Variants in PLGRKT observed in about 807,000 individuals in gnomAD.
PLGRKT encodes plasminogen receptor (KT).
Under a neutral mutation model 18.5 loss-of-function variants are expected in PLGRKT, and 22 were observed. The observed-to-expected ratio is 1.19, with a 90% CI of 0.85 to 1.70. The LOEUF is 1.70. Ranked by LOEUF, PLGRKT falls within the 40% of genes most tolerant of loss-of-function variation. The pLI, the probability that PLGRKT is intolerant of heterozygous loss-of-function variation, is 0.00. For missense variants in PLGRKT, 235 were observed against 174.4 expected (o/e 1.35, Z -1.96); for synonymous variants, 72 against 52.8 (o/e 1.36, Z -1.58).
chr9:5,368,981 T>C (rs1163925137), intron 3 of PLGRKT, among the ~76,000 whole-genome samples: 2 of 152,188 alleles, frequency 1.3e-5, no homozygotes, highest in African/African-American at 4.8e-5. Flanking sequence ...GAGTTATACG[T>C]AAGACCTAAA....
intron 3 of PLGRKT, among the ~76,000 whole-genome samples, chr9:5,407,583 C>G (rs938835875): frequency 6.6e-6 from 1 of 151,856 alleles, no homozygotes; most frequent in Non-Finnish European, 1.5e-5. Flanking sequence ...ATTTGGGGTT[C>G]TATCCATAAC....
rs1187776315 is a variant in PLGRKT at position 5,358,321 on chromosome 9, A to G, written c.362T>C (p.Leu121Ser). The change falls in exon 6 of 6, where the codon TTG (leucine) becomes TCG (serine). Residue 121 changes from leucine to serine, a missense_variant. Coordinates refer to ENST00000223864, the MANE Select transcript of PLGRKT (RefSeq NM_018465.4). ...EDILETEKSK[L>S]QLPRGMITFE... The stretch of plus-strand genomic sequence containing the variant: ...AGTGATCATTCCTCTTGGCAGCTGC[A>G]ATTTACTCTTTTCTGTTTCCAGTAT... 6.2e-7 allele frequency: 1 copy of G among 1,611,338 alleles called. No homozygotes were observed. Among genetic ancestry groups the G allele is most frequent in the Admixed American group, 1.7e-5 (1 of 59,966 alleles).
rs577889425 is a variant in PLGRKT, at chr9:5,408,308, A to G, written c.81+23589T>C. On this transcript the variant is annotated intron_variant, in intron 3 of 5. Coordinates refer to ENST00000223864, the MANE Select transcript of PLGRKT (RefSeq NM_018465.4). ...ATGGACAGAGATGGCCAGGTGGATG[A>G]GGTCTCAGATGGAAATGAAAAACCT... 2.9e-4 allele frequency among the ~76,000 whole-genome samples: 44 copies of G among 152,288 alleles called. No homozygotes were observed. The South Asian group carries it at 3.5e-3, about 12-fold the overall frequency.
chr9:5,363,646 T>C (rs1407911820), intron 3 of PLGRKT, among the ~76,000 whole-genome samples: 3 of 152,078 alleles, frequency 2.0e-5, no homozygotes, highest in Non-Finnish European at 2.9e-5. Flanking sequence ...AGGGCCATAA[T>C]TCTCTGTCTG....
chr9:5,403,224 C>CT (rs34557029), intron 3 of PLGRKT, among the ~76,000 whole-genome samples: 35,882 of 135,112 alleles, frequency 0.27, 4,925 homozygotes, highest in Non-Finnish European at 0.29. Context: ...ATTCTTTTTT[C>CT]TTTTTTTTTT....
At chr9:5,435,380 C>G (rs1047456149) in intron 2 of PLGRKT, among the ~76,000 whole-genome samples, 1 of 149,822 alleles carries the variant, frequency 6.7e-6, no homozygotes, top group Admixed American at 6.6e-5. Context: ...ACCAGTTATT[C>G]TTCCTGTCAT....
chr9:5,434,181 C>A (rs572682610), intron 2 of PLGRKT, among the ~76,000 whole-genome samples: 2 of 145,720 alleles, frequency 1.4e-5, no homozygotes, highest in Non-Finnish European at 3.0e-5. Context: ...TCTGCCCGGC[C>A]GCCACCCCGT....
chr9:5,380,495 C>T (rs1190172452), intron 3 of PLGRKT, among the ~76,000 whole-genome samples: 9 of 151,920 alleles, frequency 5.9e-5, no homozygotes, highest in East Asian at 1.9e-4. Context: ...CACAATCCTA[C>T]GATTTGGATG....
At chr9:5,387,786 C>T (rs762174686) in intron 3 of PLGRKT, among the ~76,000 whole-genome samples, 1 of 151,722 alleles carries the variant, frequency 6.6e-6, no homozygotes, top group Non-Finnish European at 1.5e-5. Flanking sequence ...CTATGTTATA[C>T]TTTAACATAA....
Position 5,373,793 on chromosome 9 carries a change from G to GA in PLGRKT, c.82-11906dup, listed in dbSNP as rs1173733281. 7.6e-4 allele frequency among the ~76,000 whole-genome samples: 113 copies of GA among 148,944 alleles called. No homozygotes were observed. The Middle Eastern group carries it at 0.01, about 14-fold the overall frequency. On this transcript the variant is annotated intron_variant, in intron 3 of 5. Coordinates refer to ENST00000223864, the MANE Select transcript of PLGRKT (RefSeq NM_018465.4). ...GCCCTGTTTCAAAAAAGAAAAAGAA[G>GA]AAAAAAAAAAGAATTGTCTATGCTT... is the stretch of plus-strand genomic sequence containing the variant.
intron 3 of PLGRKT, among the ~76,000 whole-genome samples, chr9:5,397,684 A>G (rs1175000165): frequency 6.6e-6 from 1 of 151,820 alleles, no homozygotes; most frequent in African/African-American, 2.4e-5. Flanking sequence ...GCATCTGCCT[A>G]AACACATGCA....
At chr9:5,392,007 A>C (rs1817958497) in intron 3 of PLGRKT, among the ~76,000 whole-genome samples, 1 of 151,856 alleles carries the variant, frequency 6.6e-6, no homozygotes, top group Non-Finnish European at 1.5e-5. Context: ...GGGCAACACT[A>C]AACTCATCTC....
Position 5,424,689 on chromosome 9 carries a change from T to C in PLGRKT, c.81+7208A>G, listed in dbSNP as rs866903805. 3.1e-3 allele frequency among the ~76,000 whole-genome samples: 222 copies of C among 70,862 alleles called. 13 individuals are homozygous for C. Among genetic ancestry groups the C allele is most frequent in the African/African-American group, 0.011 (192 of 16,994 alleles). 46.5% of individuals were successfully genotyped at this position (70,862 alleles called of 152,430 possible). A position where few individuals can be genotyped will look rare whatever the true frequency, so the allele number is the denominator to read the frequency against. On this transcript the variant is annotated intron_variant, in intron 3 of 5. Coordinates refer to ENST00000223864, the MANE Select transcript of PLGRKT (RefSeq NM_018465.4). ...TATTTTATATATATATATATATATA[T>C]ATACACACAGGGGGGGGAGAGAGGG...
At chr9:5,379,543 T>C (rs1361186245) in intron 3 of PLGRKT, among the ~76,000 whole-genome samples, 1 of 152,154 alleles carries the variant, frequency 6.6e-6, no homozygotes, top group Non-Finnish European at 1.5e-5. Flanking sequence ...TATAAACTGA[T>C]ACTTTCAGCC....
In PLGRKT at chr9:5,418,545, C is replaced by A; in HGVS notation, c.81+13352G>T. ...CCTCCTCCGCCACCCCCTGGGGAGC[C>A]CTGCCTTGCAGAGGCTGCTGTCCAG... On this transcript the variant is annotated intron_variant, in intron 3 of 5. Transcript: ENST00000223864. This position sits in a 1 kb window ranked among gnomAD's most constrained non-coding sequence, Gnocchi z 4.2. The A allele has an allele frequency of 1.1e-6, 1 of 878,072 alleles. No individual in the cohort carries two copies. Among genetic ancestry groups the A allele is most frequent in the South Asian group, 1.3e-5 (1 of 76,538 alleles). 54.4% of individuals were successfully genotyped at this position (878,072 alleles called of 1,614,324 possible).
intron 3 of PLGRKT, among the ~76,000 whole-genome samples, chr9:5,385,308 G>C (rs1387267431): frequency 6.6e-6 from 1 of 151,744 alleles, no homozygotes; most frequent in Non-Finnish European, 1.5e-5. Context: ...CCTCTCATCT[G>C]CTTGAGTTGA....
chr9:5,389,868 G>A (rs923598627), intron 3 of PLGRKT, among the ~76,000 whole-genome samples: 1 of 151,902 alleles, frequency 6.6e-6, no homozygotes, highest in Non-Finnish European at 1.5e-5. Context: ...GACAACACCT[G>A]TGGGAACTCC....
At chr9:5,435,290 T>C (rs1483737512) in intron 2 of PLGRKT, among the ~76,000 whole-genome samples, 1 of 132,726 alleles carries the variant, frequency 7.5e-6, no homozygotes, top group East Asian at 2.1e-4. Flanking sequence ...TCCCCCTCTC[T>C]AAGAAACACC....
At chr9:5,361,042 T>C in intron 5 of PLGRKT, 36 bp downstream of exon 5, 1 of 1,059,842 alleles carries the variant, frequency 9.4e-7, no homozygotes, top group Non-Finnish European at 1.4e-6. Flanking sequence ...GGAAAATAAA[T>C]CAGCAAATAG....
Sources: gnomAD v4.1 joint callset for allele counts (sites outside exome capture counted in the v4.1 genomes callset) on GRCh38, gnomAD v4.1.1 for gene constraint, Gnocchi (gnomAD v3.1) non-coding constraint, MANE v1.5 for transcripts, NCBI Gene and HGNC (gene_info 2026-07-23, HGNC 2026-07-21) for gene names.